Variants in ARHGAP8 observed in about 807,000 individuals in gnomAD.
ARHGAP8 encodes the protein rho GTPase-activating protein 8.
Under a neutral mutation model 46.1 loss-of-function variants are expected in ARHGAP8, and 62 were observed. That is an observed-to-expected ratio of 1.34 (90% CI 1.10 to 1.66). The LOEUF (loss-of-function observed/expected upper bound fraction) is 1.66, where lower values mean the gene tolerates loss of function less well. Ranked by LOEUF, ARHGAP8 falls within the 40% of genes most tolerant of loss-of-function variation. The pLI is 0.00. For synonymous variants in ARHGAP8, 375 were observed against 243.1 expected, an observed-to-expected ratio of 1.54 and a Z score of -5.05; for missense variants, 923 against 568.4, an observed-to-expected ratio of 1.62 and a Z score of -6.34.
At chr22:44,848,813 G>T in intron 9 of ARHGAP8, 119 bp from the exon 10 acceptor site, 2 of 1,537,416 alleles carry the variant, frequency 1.3e-6, no homozygotes, top group Non-Finnish European at 1.8e-6. Context: ...AGGACACATG[G>T]CTCCAGCATC....
intron 6 of ARHGAP8, among the ~76,000 whole-genome samples, chr22:44,824,950 C>G (rs1379449938): frequency 6.6e-6 from 1 of 151,824 alleles, no homozygotes; most frequent in Non-Finnish European, 1.5e-5. Context: ...TCTTTTCACC[C>G]GAAGGCTTTA....
At chr22:44,860,468 T>G (rs1475327273) in intron 11 of ARHGAP8, among the ~76,000 whole-genome samples, 1 of 151,752 alleles carries the variant, frequency 6.6e-6, no homozygotes, top group African/African-American at 2.4e-5. Flanking sequence ...CACCTTTCCC[T>G]CCTAAGTGTG....
At chr22:44,861,055 G>A (rs573305779) in intron 11 of ARHGAP8, among the ~76,000 whole-genome samples, 4 of 152,118 alleles carry the variant, frequency 2.6e-5, no homozygotes, top group Non-Finnish European at 4.4e-5. Context: ...CCTAGCTGGT[G>A]TGCACTGGTG....
At chr22:44,861,867 T>C (rs8137785) in intron 11 of ARHGAP8, among the ~76,000 whole-genome samples, 59,219 of 151,886 alleles carry the variant, frequency 0.39, 11,798 homozygotes, top group East Asian at 0.56. Context: ...CCCCTCGTAG[T>C]GGCCCCTAGA....
In ARHGAP8 at chr22:44,794,308, G is replaced by C. The variant is rs543156753; in HGVS notation, c.79+7702G>C. 3.9e-5 allele frequency among the ~76,000 whole-genome samples: 6 copies of C among 152,324 alleles called. No homozygotes were observed. In the East Asian group the frequency reaches 1.2e-3, roughly 29 times the overall value. ...GTTTCATTATTATTTCCGTATTGCA[G>C]ATGACCAAAGAGGCGCCAGCCCAGC... On this transcript the variant is annotated intron_variant, in intron 2 of 11. Coordinates refer to ENST00000356099, the MANE Select transcript of ARHGAP8 (RefSeq NM_181335.3).
chr22:44,849,222 T>C, intron 10 of ARHGAP8, 162 bp downstream of exon 10: 1 of 1,351,896 alleles, frequency 7.4e-7, no homozygotes, highest in Non-Finnish European at 1.0e-6. Context: ...TTGTTGGGGC[T>C]GCCCCCACCA....
At position 44,753,599 on chromosome 22, in the gene ARHGAP8, TC is replaced by T. The variant is rs3838170; in HGVS notation, c.-72+975del. Reference sequence around the variant, plus strand: ...GGCAGGGAGGCCCTGCCTTTCACTTTCCCTCAATCCTGTGGGGGGTGGGGGG... The same window carrying T: ...GGCAGGGAGGCCCTGCCTTTCACTTTCCTCAATCCTGTGGGGGGTGGGGGG... On this transcript the variant is annotated intron_variant, in intron 1 of 11. Transcript: ENST00000356099. Among the ~76,000 whole-genome samples, 150 of 116,536 alleles carry T rather than the reference TC, an allele frequency of 1.3e-3. 3 individuals are homozygous for T. The East Asian group carries it at 0.042, about 32-fold the overall frequency. 76.5% of individuals were successfully genotyped at this position (116,536 alleles called of 152,430 possible).
chr22:44,857,765 G>A (rs1392922181), intron 10 of ARHGAP8, among the ~76,000 whole-genome samples: 2 of 152,112 alleles, frequency 1.3e-5, no homozygotes, highest in Non-Finnish European at 2.9e-5. Context: ...CATGCAAGCT[G>A]TGTGACCTCG....
chr22:44,775,604 C>T (rs761851325), intron 1 of ARHGAP8, among the ~76,000 whole-genome samples: 7 of 152,102 alleles, frequency 4.6e-5, no homozygotes, highest in Admixed American at 6.5e-5. Flanking sequence ...TGTGCCACCA[C>T]GCCCGGCTAA....
chr22:44,856,314 C>T (rs1019320087), intron 10 of ARHGAP8, among the ~76,000 whole-genome samples: 1 of 125,764 alleles, frequency 8.0e-6, no homozygotes, highest in African/African-American at 3.1e-5. Flanking sequence ...CTCTGTTGCC[C>T]AGGCCAGAGT....
intron 1 of ARHGAP8, among the ~76,000 whole-genome samples, chr22:44,781,658 G>T (rs1031210311): frequency 6.6e-6 from 1 of 150,586 alleles, no homozygotes; most frequent in Non-Finnish European, 1.5e-5. Flanking sequence ...AAGTAGCTGG[G>T]ATTACAGGTG....
chr22:44,861,829 A>G (rs967213853), intron 11 of ARHGAP8, among the ~76,000 whole-genome samples: 3 of 152,116 alleles, frequency 2.0e-5, no homozygotes, highest in East Asian at 1.9e-4. Flanking sequence ...AGCCCCTTCT[A>G]GCAGGCAAGC....
intron 10 of ARHGAP8, among the ~76,000 whole-genome samples, chr22:44,852,206 AAAAAAAAAAAAGG>A (rs1195813361): frequency 2.0e-5 from 3 of 151,476 alleles, no homozygotes; most frequent in Admixed American, 1.3e-4. Flanking sequence ...AAAAAAAAAA[AAAAAAAAAAAAGG>A]AAGGGAGGAA....
In ARHGAP8 at chr22:44,825,583, A is replaced by C; in HGVS notation, c.586A>C (p.Ser196Arg). 6.2e-7 allele frequency: 1 copy of C among 1,612,748 alleles called. No individual in the cohort carries two copies. The highest frequency in any genetic ancestry group is 1.1e-5 in the South Asian group (1 of 91,028). The change falls in exon 7 of 12, where the codon AGT (serine) becomes CGT (arginine). Residue 196 changes from serine (S) to arginine (R), a missense_variant. Physicochemically the swap from Ser to Arg is moderately radical, Grantham distance 110 (BLOSUM62 -1). Transcript: ENST00000356099. The stretch of plus-strand genomic sequence containing the variant: ...GCTGCCCACACAGCAGTTTGGCGTC[A>C]GTCTGCAATAGTAAGTGAGCCGGGG... ...PPLPTQQFGV[S>R]LQYLKDKNQG...
At chr22:44,851,088 A>G (rs1002497515) in intron 10 of ARHGAP8, 3 of 152,120 alleles carry the variant, frequency 2.0e-5, no homozygotes, top group Middle Eastern at 3.2e-3. Flanking sequence ...AAAACATTCA[A>G]AGTGCTACCT....
chr22:44,843,813 A>T (rs2147156388), intron 7 of ARHGAP8, among the ~76,000 whole-genome samples: 1 of 145,648 alleles, frequency 6.9e-6, no homozygotes, highest in Non-Finnish European at 1.5e-5. Flanking sequence ...CAACAGGGTA[A>T]GACCTTGTCT....
intron 6 of ARHGAP8, among the ~76,000 whole-genome samples, chr22:44,824,028 G>C (rs182780437): frequency 1.3e-5 from 2 of 152,148 alleles, no homozygotes; most frequent in Non-Finnish European, 2.9e-5. Context: ...TTTTAAATGA[G>C]CAGCTTCTAG....
At chr22:44,860,179 TAC>T (rs1296152206) in intron 11 of ARHGAP8, among the ~76,000 whole-genome samples, 4 of 152,068 alleles carry the variant, frequency 2.6e-5, no homozygotes, top group Admixed American at 2.0e-4. Context: ...CCACCACTGG[TAC>T]AGAGCCCAGT....
intron 3 of ARHGAP8, among the ~76,000 whole-genome samples, chr22:44,806,292 C>T (rs16992880): frequency 0.095 from 14,490 of 152,062 alleles, 892 homozygotes; most frequent in African/African-American, 0.16. Context: ...ACATGGTGTT[C>T]GAGACAGCAC....
Sources: gnomAD v4.1 joint callset for allele counts (sites outside exome capture counted in the v4.1 genomes callset) on GRCh38, gnomAD v4.1.1 for gene constraint, MANE v1.5 for transcripts, NCBI Gene and HGNC (gene_info 2026-07-23, HGNC 2026-07-21) for gene names.